Variants in HPSE2 observed in about 807,000 individuals in gnomAD.
HPSE2 encodes the protein inactive heparanase-2.
In HPSE2, 38 loss-of-function variants were observed where a neutral mutation model predicts 60.5. The observed-to-expected ratio is 0.63, with a 90% CI of 0.48 to 0.82. The LOEUF (loss-of-function observed/expected upper bound fraction) is 0.82. Among genes scored for constraint, HPSE2 ranks in the 40% least tolerant of loss-of-function variants. The probability of loss-of-function intolerance (pLI) is 0.00; values close to 1 mark genes in which losing one functional copy is unlikely to be tolerated. For synonymous variants in HPSE2, 295 were observed against 293.2 expected (o/e 1.01, Z -0.06); for missense variants, 713 against 740.4 (o/e 0.96, Z 0.43).
At position 98,865,332 on chromosome 10, in the gene HPSE2, T is replaced by C. The variant is rs183275165; in HGVS notation, c.611-121276A>G. ...AAAAGATATGAGAGACTTATACTTC[T>C]GGCCAAGATAAAGTAACAAGGACCA... On this transcript the variant is annotated intron_variant, in intron 3 of 11. Coordinates refer to ENST00000370552, the MANE Select transcript of HPSE2 (RefSeq NM_021828.5). Among the ~76,000 whole-genome samples, 4 of 152,262 alleles carry C rather than the reference T, an allele frequency of 2.6e-5. No homozygotes were observed. The East Asian group carries it at 7.7e-4, about 29-fold the overall frequency.
intron 3 of HPSE2, among the ~76,000 whole-genome samples, chr10:99,010,148 G>A (rs1346730246): frequency 6.6e-6 from 1 of 152,206 alleles, no homozygotes; most frequent in Non-Finnish European, 1.5e-5. Context: ...GATTTACTGT[G>A]CTTAAAGAGG....
intron 9 of HPSE2, among the ~76,000 whole-genome samples, chr10:98,570,882 T>C (rs1459120591): frequency 6.6e-6 from 1 of 152,226 alleles, no homozygotes; most frequent in Non-Finnish European, 1.5e-5. Context: ...CAGATTGTTT[T>C]CAACCACGTA....
At chr10:98,987,676 T>C (rs957273359) in intron 3 of HPSE2, among the ~76,000 whole-genome samples, 3 of 152,126 alleles carry the variant, frequency 2.0e-5, no homozygotes, top group Admixed American at 2.0e-4. Flanking sequence ...ATAAAGGGTA[T>C]TCAATTAGGA....
At chr10:99,192,942 C>G (rs1374746688) in intron 2 of HPSE2, among the ~76,000 whole-genome samples, 1 of 152,000 alleles carries the variant, frequency 6.6e-6, no homozygotes, top group African/African-American at 2.4e-5. Flanking sequence ...AAGAAAACAT[C>G]TGAAAGTAGA....
the HPSE2 span, among the ~76,000 whole-genome samples, chr10:99,280,856 T>C: frequency 1.3e-5 from 2 of 152,194 alleles, no homozygotes; most frequent in Non-Finnish European, 2.9e-5. Context: ...GCTACTTTTT[T>C]TATTCACTCA....
At chr10:99,140,663 A>T (rs1360705263) in intron 3 of HPSE2, among the ~76,000 whole-genome samples, 1 of 152,196 alleles carries the variant, frequency 6.6e-6, no homozygotes, top group African/African-American at 2.4e-5. Flanking sequence ...TTTATACCTC[A>T]AGGGGAGGGA....
At chr10:98,521,523 T>C (rs1942791472) in intron 9 of HPSE2, among the ~76,000 whole-genome samples, 2 of 152,208 alleles carry the variant, frequency 1.3e-5, no homozygotes, top group Admixed American at 1.3e-4. Context: ...GGAATGTTTT[T>C]ACACTGCTGG....
chr10:98,632,965 G>A (rs11189726), intron 7 of HPSE2, among the ~76,000 whole-genome samples: 69,672 of 151,794 alleles, frequency 0.46, 18,781 homozygotes, highest in Non-Finnish European at 0.62. Context: ...ATTAATTTAC[G>A]TCAGTGGAAG....
At chr10:99,130,558 G>A (rs991880067) in intron 3 of HPSE2, among the ~76,000 whole-genome samples, 1 of 152,158 alleles carries the variant, frequency 6.6e-6, no homozygotes, top group Non-Finnish European at 1.5e-5. Context: ...CAGCAACCAA[G>A]AGACGGCTAA....
intron 3 of HPSE2, among the ~76,000 whole-genome samples, chr10:98,905,374 T>C (rs1331300877): frequency 6.7e-6 from 1 of 148,336 alleles, no homozygotes; most frequent in East Asian, 2.1e-4. Context: ...TGTGATCTCA[T>C]TGTTCAATTC....
At chr10:98,487,964 T>C (rs564931586) in intron 10 of HPSE2, among the ~76,000 whole-genome samples, 2 of 152,366 alleles carry the variant, frequency 1.3e-5, no homozygotes, top group East Asian at 1.9e-4. Flanking sequence ...GTTTTCTTTA[T>C]GAATCTAATA....
intron 9 of HPSE2, among the ~76,000 whole-genome samples, chr10:98,532,830 T>C (rs1228676484): frequency 6.6e-6 from 1 of 152,184 alleles, no homozygotes; most frequent in Non-Finnish European, 1.5e-5. Flanking sequence ...GGGAATAGAC[T>C]GCAGACCCTG....
chr10:99,036,555 G>T (rs1957614496), intron 3 of HPSE2, among the ~76,000 whole-genome samples: 1 of 152,052 alleles, frequency 6.6e-6, no homozygotes, highest in South Asian at 2.1e-4. Context: ...TTGGATAAAT[G>T]AATAAATGAG....
the HPSE2 span, among the ~76,000 whole-genome samples, chr10:99,305,979 G>GCGCACACACACACACACACA: frequency 8.3e-3 from 668 of 80,466 alleles, 10 homozygotes; most frequent in Non-Finnish European, 0.011. Context: ...GCGCGCGCGC[G>GCGCACACACACACACACACA]CACACACACA....
intron 7 of HPSE2, among the ~76,000 whole-genome samples, chr10:98,639,913 A>G (rs889965507): frequency 6.6e-6 from 1 of 152,220 alleles, no homozygotes; most frequent in African/African-American, 2.4e-5. Context: ...AACTATAGGA[A>G]CTTGACTATC....
intron 3 of HPSE2, among the ~76,000 whole-genome samples, chr10:99,098,437 T>C (rs1843799833): frequency 6.6e-6 from 1 of 152,194 alleles, no homozygotes; most frequent in South Asian, 2.1e-4. Flanking sequence ...CTGTATATTT[T>C]GCAAATAGGC....
At chr10:98,780,010 A>C (rs1950428827) in intron 3 of HPSE2, among the ~76,000 whole-genome samples, 1 of 152,160 alleles carries the variant, frequency 6.6e-6, no homozygotes, top group Non-Finnish European at 1.5e-5. Context: ...CTTCAAGCTC[A>C]GATTTCTCTG....
chr10:98,459,795 C>G, intron 11 of HPSE2, 56 bp from the exon 12 acceptor site: 2 of 1,531,494 alleles, frequency 1.3e-6, no homozygotes, highest in Non-Finnish European at 1.8e-6. Context: ...GGAGCCACTG[C>G]AACAAAGCCT....
intron 9 of HPSE2, among the ~76,000 whole-genome samples, chr10:98,605,703 G>A (rs1032346487): frequency 3.3e-5 from 5 of 152,208 alleles, no homozygotes; most frequent in African/African-American, 9.6e-5. Flanking sequence ...AGTTTGCCAA[G>A]TGCTGGTGGC....
Sources: allele counts gnomAD v4.1 joint callset (sites outside exome capture counted in the v4.1 genomes callset), GRCh38; gene constraint gnomAD v4.1.1; transcripts MANE v1.5; gene names NCBI Gene and HGNC (gene_info 2026-07-23, HGNC 2026-07-21).